The following PLCE1 variants were observed in gnomAD, a reference collection of about 807,000 sequenced individuals.
The protein encoded by PLCE1 is 1-phosphatidylinositol 4,5-bisphosphate phosphodiesterase epsilon-1.
Under a neutral mutation model 242.8 loss-of-function variants are expected in PLCE1, and 119 were observed. The observed-to-expected ratio is 0.49, with a 90% CI of 0.42 to 0.57. The LOEUF is 0.57. Among genes scored for constraint, PLCE1 ranks in the 20% least tolerant of loss-of-function variants. PLCE1 has a pLI of 0.00. For missense variants in PLCE1, 2,441 were observed against 2,788.8 expected (o/e 0.88, Z 2.81); for synonymous variants, 945 against 1,017.4 (o/e 0.93, Z 1.35).
At chr10:94,104,742 T>G (rs545567328) in intron 2 of PLCE1, 1 of 152,330 alleles carries the variant, frequency 6.6e-6, no homozygotes, top group South Asian at 2.1e-4. Flanking sequence ...GTTCACCTCT[T>G]GTGCATTTGA....
intron 4 of PLCE1, among the ~76,000 whole-genome samples, chr10:94,185,109 G>A (rs931938873): frequency 2.0e-5 from 3 of 152,252 alleles, no homozygotes; most frequent in African/African-American, 7.2e-5. Context: ...CACAAAAGGG[G>A]ATAAAGCAAT....
At chr10:94,321,191 T>G (rs1258999414) in intron 29 of PLCE1, among the ~76,000 whole-genome samples, 1 of 152,240 alleles carries the variant, frequency 6.6e-6, no homozygotes. Context: ...ATTTCAGATG[T>G]CTAGCATTTC....
At chr10:94,276,648 C>G (rs61044747) in intron 19 of PLCE1, among the ~76,000 whole-genome samples, 1 of 152,088 alleles carries the variant, frequency 6.6e-6, no homozygotes, top group Non-Finnish European at 1.5e-5. Flanking sequence ...TTATCCAAAA[C>G]AGCTAAGGAG....
At chr10:94,312,716 A>G (rs535014751) in intron 27 of PLCE1, among the ~76,000 whole-genome samples, 28 of 152,392 alleles carry the variant, frequency 1.8e-4, no homozygotes, top group African/African-American at 6.5e-4. Context: ...AGGGACAGGC[A>G]TAATGACTGA....
At chr10:94,081,620 GTATGA>G (rs1342106460) in intron 2 of PLCE1, among the ~76,000 whole-genome samples, 1 of 152,148 alleles carries the variant, frequency 6.6e-6, no homozygotes, top group Admixed American at 6.5e-5. Context: ...AGTACCTCTA[GTATGA>G]TATTAAATAG....
At chr10:94,283,586 TA>T (rs1389394354) in intron 20 of PLCE1, 1 of 465,730 alleles carries the variant, frequency 2.1e-6, no homozygotes, top group African/African-American at 2.0e-5. Context: ...TACTGGTAAA[TA>T]AATCAATTAA....
chr10:94,131,155 C>T (rs1034694158), intron 2 of PLCE1, among the ~76,000 whole-genome samples: 1 of 152,232 alleles, frequency 6.6e-6, no homozygotes, highest in Non-Finnish European at 1.5e-5. Context: ...ATGATAGAGA[C>T]AGCACCTTTA....
Position 94,234,230 on chromosome 10 carries a change from A to G in PLCE1, c.2132A>G (p.Lys711Arg), listed in dbSNP as rs2050242046. ...GTTCCATTCTGTGGGGTGTTTCTGAAGGAGCTCTGTGAAGTGCTTGACGGC... is the reference window on the plus strand; with the variant it reads ...GTTCCATTCTGTGGGGTGTTTCTGAGGGAGCTCTGTGAAGTGCTTGACGGC... ...KVVPFCGVFLKELCEVLDGAS... is the reference protein window; with the variant it reads ...KVVPFCGVFLRELCEVLDGAS... Residue 711 changes from lysine to arginine, a missense_variant, in exon 6 of 33, where the codon AAG (lysine) becomes AGG (arginine). Lys to Arg is a conservative substitution (Grantham distance 26). Around this residue, in one of 5 missense-constraint regions of PLCE1, gnomAD observed 733 missense variants for 754.2 expected, o/e 0.97. Transcript: ENST00000371380. The G allele has an allele frequency of 6.2e-7, 1 of 1,613,970 alleles. No homozygotes were observed. Among genetic ancestry groups the G allele is most frequent in the Non-Finnish European group, 8.5e-7 (1 of 1,179,998 alleles).
At chr10:94,158,930 C>T (rs1304510224) in intron 3 of PLCE1, among the ~76,000 whole-genome samples, 1 of 141,824 alleles carries the variant, frequency 7.1e-6, no homozygotes, top group Admixed American at 7.7e-5. Flanking sequence ...AATCTCAGCT[C>T]ACCTCAACCT....
intron 1 of PLCE1, among the ~76,000 whole-genome samples, chr10:94,018,151 T>G (rs968516951): frequency 1.5e-4 from 23 of 152,200 alleles, no homozygotes; most frequent in African/African-American, 5.5e-4. Flanking sequence ...AATTTAAAAT[T>G]GCTTATAATA....
rs886909997 is a variant in PLCE1, at chr10:94,213,822, T to A, written c.1810-13484T>A. On this transcript the variant is annotated intron_variant, in intron 4 of 32. Coordinates refer to ENST00000371380, the MANE Select transcript of PLCE1 (RefSeq NM_016341.4). ...ATTATTTTTTAATTATCAGTATTAG[T>A]TGACATTTATTGAGCACATACTACT... 5.3e-5 allele frequency among the ~76,000 whole-genome samples: 8 copies of A among 152,210 alleles called. No homozygotes were observed. The East Asian group carries it at 1.2e-3, about 22-fold the overall frequency.
chr10:94,257,082 A>G (rs890862447), intron 11 of PLCE1, among the ~76,000 whole-genome samples: 10 of 152,176 alleles, frequency 6.6e-5, no homozygotes, highest in Non-Finnish European at 1.5e-4. Context: ...TCGACAACCT[A>G]CAACCTATGA....
chr10:94,250,517 GAAGA>G (rs1208753220), intron 8 of PLCE1, among the ~76,000 whole-genome samples: 1 of 152,004 alleles, frequency 6.6e-6, no homozygotes, highest in East Asian at 1.9e-4. Flanking sequence ...AAAAAAAAGA[GAAGA>G]AAGTATATCC....
At chr10:94,220,029 G>T (rs925139226) in intron 4 of PLCE1, among the ~76,000 whole-genome samples, 1 of 151,902 alleles carries the variant, frequency 6.6e-6, no homozygotes, top group African/African-American at 2.4e-5. Context: ...AGACTCTTCT[G>T]CACCCACTTC....
At chr10:94,082,123 T>G (rs1203482630) in intron 2 of PLCE1, 1 of 152,058 alleles carries the variant, frequency 6.6e-6, no homozygotes, top group Non-Finnish European at 1.5e-5. Flanking sequence ...TAAATTAACA[T>G]TCTGAGGAAT....
intron 32 of PLCE1, among the ~76,000 whole-genome samples, chr10:94,326,311 A>G: frequency 6.6e-6 from 1 of 152,224 alleles, no homozygotes; most frequent in South Asian, 2.1e-4. Context: ...CTCTTCCCAG[A>G]GCCAAATTTT....
chr10:94,231,470 C>T (rs2050141143), intron 5 of PLCE1, among the ~76,000 whole-genome samples: 3 of 152,152 alleles, frequency 2.0e-5, no homozygotes, highest in African/African-American at 7.2e-5. Context: ...CTCCCTCCCT[C>T]AACCCTGGAT....
intron 4 of PLCE1, among the ~76,000 whole-genome samples, chr10:94,187,233 A>G (rs1442729438): frequency 1.3e-5 from 2 of 151,734 alleles, no homozygotes; most frequent in Non-Finnish European, 2.9e-5. Flanking sequence ...TTGTAATAGG[A>G]AATATCATGA....
chr10:94,126,556 G>T (rs1168711413), intron 2 of PLCE1, among the ~76,000 whole-genome samples: 1 of 152,194 alleles, frequency 6.6e-6, no homozygotes, highest in African/African-American at 2.4e-5. Flanking sequence ...TAAATCACTT[G>T]TTGAGTAAAT....
Sources: allele counts gnomAD v4.1 joint callset (sites outside exome capture counted in the v4.1 genomes callset), GRCh38; gene constraint gnomAD v4.1.1; regional missense constraint gnomAD v4.1.1; transcripts MANE v1.5; gene names NCBI Gene and HGNC (gene_info 2026-07-23, HGNC 2026-07-21).